The following CCSER1 variants were observed in gnomAD, a reference collection of about 807,000 sequenced individuals.
CCSER1 encodes serine-rich coiled-coil domain-containing protein 1.
Under a neutral mutation model 82.0 loss-of-function variants are expected in CCSER1, and 41 were observed. The observed-to-expected ratio is 0.50, with a 90% CI of 0.39 to 0.65. CCSER1 has a LOEUF of 0.65. Ranked by LOEUF, CCSER1 falls within the 30% of genes least tolerant of loss-of-function variation. CCSER1 has a pLI of 0.00. For missense variants in CCSER1, 1,119 were observed against 1,064.2 expected (o/e 1.05, Z -0.72); for synonymous variants, 414 against 383.9 (o/e 1.08, Z -0.92).
chr4:90,476,046 ATG>A (rs1005618450), intron 5 of CCSER1, among the ~76,000 whole-genome samples: 4 of 100,830 alleles, frequency 4.0e-5, no homozygotes, highest in East Asian at 2.7e-4. Context: ...GTGTGTGTGT[ATG>A]TGTGTGTGTG....
At chr4:90,978,443 A>C (rs142989347) in intron 9 of CCSER1, among the ~76,000 whole-genome samples, 2 of 151,676 alleles carry the variant, frequency 1.3e-5, no homozygotes, top group East Asian at 3.9e-4. Flanking sequence ...ACCTCTCAAG[A>C]GTCTGTCTTT....
chr4:90,173,371 T>C (rs1732087265), intron 1 of CCSER1, among the ~76,000 whole-genome samples: 1 of 151,810 alleles, frequency 6.6e-6, no homozygotes. Flanking sequence ...GATAAATATT[T>C]CAAGAAGCAT....
intron 1 of CCSER1, among the ~76,000 whole-genome samples, chr4:90,169,150 A>C (rs373289432): frequency 1.3e-4 from 19 of 151,772 alleles, no homozygotes; most frequent in South Asian, 2.1e-4. Flanking sequence ...CTTTTATTTC[A>C]TTGAGCAGTG....
chr4:90,747,582 T>G (rs1466038862), intron 7 of CCSER1, among the ~76,000 whole-genome samples: 1 of 152,154 alleles, frequency 6.6e-6, no homozygotes, highest in Non-Finnish European at 1.5e-5. Flanking sequence ...CAGTAGGATA[T>G]TCTCTTTCTC....
chr4:91,001,168 A>G (rs1240909129), intron 9 of CCSER1, among the ~76,000 whole-genome samples: 1 of 152,126 alleles, frequency 6.6e-6, no homozygotes, highest in African/African-American at 2.4e-5. Context: ...TGAGATGATC[A>G]TATGGTTTTT....
intron 10 of CCSER1, among the ~76,000 whole-genome samples, chr4:91,492,137 T>C (rs758358201): frequency 6.6e-6 from 1 of 152,090 alleles, no homozygotes; most frequent in Non-Finnish European, 1.5e-5. Flanking sequence ...TCTTGGCTTA[T>C]CTCCTACAGG....
chr4:91,580,012 A>G (rs1261112706), intron 10 of CCSER1, among the ~76,000 whole-genome samples: 1 of 151,852 alleles, frequency 6.6e-6, no homozygotes, highest in Non-Finnish European at 1.5e-5. Context: ...AACTTTGGCC[A>G]AATTTGCTGG....
intron 1 of CCSER1, among the ~76,000 whole-genome samples, chr4:90,282,396 A>G (rs1202042350): frequency 6.6e-6 from 1 of 151,466 alleles, no homozygotes; most frequent in African/African-American, 2.4e-5. Flanking sequence ...GAAAGTATCT[A>G]ATCCATCTGT....
At chr4:90,560,031 CTCTT>C (rs1272823719) in intron 5 of CCSER1, among the ~76,000 whole-genome samples, 1 of 151,958 alleles carries the variant, frequency 6.6e-6, no homozygotes, top group Non-Finnish European at 1.5e-5. Flanking sequence ...CAGCAGCACT[CTCTT>C]TCACAGTTAC....
chr4:90,890,167 T>C (rs1722753067), intron 8 of CCSER1, among the ~76,000 whole-genome samples: 1 of 152,172 alleles, frequency 6.6e-6, no homozygotes, highest in Non-Finnish European at 1.5e-5. Flanking sequence ...TGAGTTACTA[T>C]TGTAGACAGA....
intron 10 of CCSER1, among the ~76,000 whole-genome samples, chr4:91,590,699 A>C (rs78981264): frequency 0.019 from 2,850 of 152,208 alleles, 46 homozygotes; most frequent in Non-Finnish European, 0.024. Context: ...TTTACTTTTT[A>C]AGTAGTTTTT....
At chr4:91,301,439 C>A (rs1277421028) in intron 10 of CCSER1, among the ~76,000 whole-genome samples, 1 of 151,356 alleles carries the variant, frequency 6.6e-6, no homozygotes, top group Admixed American at 6.6e-5. Flanking sequence ...ACCTAATAAG[C>A]ATTTTGATGC....
At chr4:91,319,790 C>T (rs1746073454) in intron 10 of CCSER1, 2 of 448,994 alleles carry the variant, frequency 4.5e-6, no homozygotes, top group Admixed American at 4.8e-5. Flanking sequence ...TCTAAAGTCC[C>T]TCTCACAAGG....
intron 3 of CCSER1, among the ~76,000 whole-genome samples, chr4:90,336,795 C>A (rs1424682772): frequency 6.6e-6 from 1 of 152,080 alleles, no homozygotes; most frequent in African/African-American, 2.4e-5. Flanking sequence ...ATTTATAAAG[C>A]AAGGGAATTC....
chr4:91,005,618 A>G (rs1469182931), intron 9 of CCSER1, among the ~76,000 whole-genome samples: 1 of 152,188 alleles, frequency 6.6e-6, no homozygotes, highest in Non-Finnish European at 1.5e-5. Context: ...GGTTATCTGT[A>G]TGCATATTGT....
chr4:91,376,771 A>G (rs2149331061), intron 10 of CCSER1, among the ~76,000 whole-genome samples: 1 of 151,930 alleles, frequency 6.6e-6, no homozygotes, highest in Non-Finnish European at 1.5e-5. Context: ...GTTTTTTATT[A>G]CTATACTTTA....
intron 10 of CCSER1, among the ~76,000 whole-genome samples, chr4:91,342,683 C>G (rs1747796378): frequency 1.3e-5 from 2 of 152,088 alleles, no homozygotes; most frequent in South Asian, 2.1e-4. Context: ...AAATTCCTGA[C>G]TCCAGGAACA....
At chr4:90,230,052 G>T (rs2153426890) in intron 1 of CCSER1, among the ~76,000 whole-genome samples, 1 of 152,226 alleles carries the variant, frequency 6.6e-6, no homozygotes, top group East Asian at 1.9e-4. Context: ...GTCAACATTA[G>T]ACAGATCAAC....
intron 5 of CCSER1, among the ~76,000 whole-genome samples, chr4:90,470,218 A>G (rs188597462): frequency 6.6e-6 from 1 of 152,134 alleles, no homozygotes; most frequent in East Asian, 1.9e-4. Context: ...TAATGTCTCC[A>G]TTATATTTTC....
Sources: allele counts gnomAD v4.1 joint callset (sites outside exome capture counted in the v4.1 genomes callset), GRCh38; gene constraint gnomAD v4.1.1; transcripts MANE v1.5; gene names NCBI Gene and HGNC (gene_info 2026-07-23, HGNC 2026-07-21).